ESRRB: variants seen among roughly 807,000 people sequenced by gnomAD.
ESRRB encodes the protein estrogen related receptor beta.
ESRRB carries 16 observed loss-of-function variants against 46.0 expected under a neutral mutation model. The observed-to-expected ratio is 0.35, with a 90% CI of 0.24 to 0.53. ESRRB has a LOEUF of 0.53. Ranked by LOEUF, ESRRB falls within the 20% of genes least tolerant of loss-of-function variation. The pLI is 0.93. For missense variants in ESRRB, 488 were observed against 607.4 expected (o/e 0.80, Z 2.07); for synonymous variants, 246 against 259.6 (o/e 0.95, Z 0.50).
intron 3 of ESRRB, among the ~76,000 whole-genome samples, chr14:76,464,332 C>T (rs1391045456): frequency 3.3e-5 from 5 of 152,212 alleles, no homozygotes; most frequent in Non-Finnish European, 7.3e-5. Context: ...TCCCAGGGCC[C>T]TCTGAAGATA....
intron 1 of ESRRB, among the ~76,000 whole-genome samples, chr14:76,337,531 A>G (rs1385927692): frequency 1.3e-5 from 2 of 152,046 alleles, no homozygotes; most frequent in Non-Finnish European, 2.9e-5. Context: ...CTTCTAGAAA[A>G]TGAGCAATGG....
chr14:76,479,934 C>G (rs183220220), intron 3 of ESRRB, among the ~76,000 whole-genome samples: 37 of 152,332 alleles, frequency 2.4e-4, no homozygotes, highest in Admixed American at 9.8e-4. Flanking sequence ...GTGGTGCAAT[C>G]TCAGCTCACT....
chr14:76,402,629 C>A (rs1885991096), intron 1 of ESRRB, among the ~76,000 whole-genome samples: 1 of 152,166 alleles, frequency 6.6e-6, no homozygotes, highest in African/African-American at 2.4e-5. Context: ...GGCTTCCAGG[C>A]ACTGTCATGG....
rs1236443030 is a variant in ESRRB, at chr14:76,413,229, G to A, written c.51-26112G>A. 3.9e-5 allele frequency among the ~76,000 whole-genome samples: 6 copies of A among 152,106 alleles called. No individual in the cohort carries two copies. The South Asian group carries it at 1.2e-3, about 32-fold the overall frequency. ...GGTGTGATGAGCCTGCCCCTCAAAG[G>A]GTGATGTCGAAACCCCTGGTGTTGA... On this transcript the variant is annotated intron_variant, in intron 1 of 6. Transcript: ENST00000644823.
At chr14:76,386,162 G>T (rs1170906513) in intron 1 of ESRRB, among the ~76,000 whole-genome samples, 1 of 152,140 alleles carries the variant, frequency 6.6e-6, no homozygotes, top group African/African-American at 2.4e-5. Flanking sequence ...ATTAAAGAAG[G>T]AATTACAGTT....
Position 76,439,577 on chromosome 14 carries a change from G to C in ESRRB, c.287G>C (p.Ser96Thr). The change falls in exon 2 of 7, where the codon AGC (serine) becomes ACC (threonine). Residue 96 changes from serine (S) to threonine (T), a missense_variant. Transcript: ENST00000644823. ...AGLGGTPCRK[S>T]YEDCASGIME... ...CTGGGAGGCACCCCATGCCGCAAGA[G>C]CTACGAGGACTGTGCCAGCGGCATC... The C allele has an allele frequency of 1.2e-6, 2 of 1,614,148 alleles. No homozygotes were observed. Among genetic ancestry groups the C allele is most frequent in the Non-Finnish European group, 1.7e-6 (2 of 1,180,008 alleles).
Position 76,332,577 on chromosome 14 carries a change from AT to A in ESRRB, c.2+21663del, listed in dbSNP as rs56299448. Reference sequence around the variant, plus strand: ...ATAATATATATTTATATATTTATATATTATATATTTATATATTATATATTAT... The same window carrying A: ...ATAATATATATTTATATATTTATATATATATATTTATATATTATATATTAT... On this transcript the variant is annotated intron_variant, in intron 1 of 6. Coordinates refer to the ESRRB transcript ENST00000512784. 1.0e-4 allele frequency among the ~76,000 whole-genome samples: 3 copies of A among 29,610 alleles called. 1 individual carries two copies. The highest frequency in any genetic ancestry group is 7.8e-4 in the Admixed American group (1 of 1,290). 19.4% of individuals were successfully genotyped at this position (29,610 alleles called of 152,430 possible). A position where few individuals can be genotyped will look rare whatever the true frequency, so the allele number is the denominator to read the frequency against.
chr14:76,489,443 A>AC (rs1484173696), intron 5 of ESRRB, among the ~76,000 whole-genome samples: 1 of 135,078 alleles, frequency 7.4e-6, no homozygotes, highest in Non-Finnish European at 1.6e-5. Flanking sequence ...GAATCTGGAC[A>AC]ACCACACACA....
At position 76,439,671 on chromosome 14, in the gene ESRRB, C is replaced by A. The variant is rs376300660; in HGVS notation, c.381C>A (p.Cys127Ter). 1 of 1,614,094 alleles carries A rather than the reference C, an allele frequency of 6.2e-7. No individual in the cohort carries two copies. The highest frequency in any genetic ancestry group is 8.5e-7 in the Non-Finnish European group (1 of 1,180,032). Residue 127 changes from cysteine to a stop codon, truncating the protein, a stop_gained, in exon 2 of 7, where the codon TGC becomes TGA. Coordinates refer to ENST00000644823, the MANE Select transcript of ESRRB (RefSeq NM_001379180.1). LOFTEE classifies it high-confidence loss of function. ...NAIPKRLCLV[C>*]GDIASGYHYG... ...TCCCCAAGCGCCTGTGCCTCGTGTG[C>A]GGGGACATTGCCTCTGGCTACCACT...
intron 2 of ESRRB, among the ~76,000 whole-genome samples, chr14:76,442,958 G>A (rs1887983596): frequency 6.6e-6 from 1 of 151,548 alleles, no homozygotes; most frequent in Non-Finnish European, 1.5e-5. Context: ...GGGATTACAG[G>A]TGCTGGCCAC....
At chr14:76,446,044 G>A (rs892773921) in intron 2 of ESRRB, among the ~76,000 whole-genome samples, 1 of 152,182 alleles carries the variant, frequency 6.6e-6, no homozygotes, top group Non-Finnish European at 1.5e-5. Context: ...GGCGGGGGAG[G>A]GAAGAGGGGG....
chr14:76,413,267 G>A (rs1886517596), intron 1 of ESRRB, among the ~76,000 whole-genome samples: 1 of 152,154 alleles, frequency 6.6e-6, no homozygotes, highest in Non-Finnish European at 1.5e-5. Context: ...CTTCTAGCTG[G>A]CCTCTGCCCA....
chr14:76,490,021 A>C (rs1026555898), intron 5 of ESRRB, among the ~76,000 whole-genome samples: 2 of 152,192 alleles, frequency 1.3e-5, no homozygotes, highest in African/African-American at 4.8e-5. Context: ...TTTCGCCCCC[A>C]CAGCACCCCA....
rs990573445 is a variant in ESRRB, at chr14:76,499,150, C to CT, written c.*692_*693insT. On this transcript the variant is annotated 3_prime_UTR_variant, in exon 7 of 7. Coordinates refer to ENST00000644823, the MANE Select transcript of ESRRB (RefSeq NM_001379180.1). Reference sequence around the variant, plus strand: ...CCACCTGTCCTCCTCCTCTTCTCCTCCCCCCGGGAGTCCCCCGCTACTTCC... The same window carrying CT: ...CCACCTGTCCTCCTCCTCTTCTCCTCTCCCCCGGGAGTCCCCCGCTACTTCC... 1.6e-5 allele frequency: 4 copies of CT among 254,960 alleles called. No homozygotes were observed. Among genetic ancestry groups the CT allele is most frequent in the African/African-American group, 9.8e-5 (3 of 30,704 alleles). 15.8% of individuals were successfully genotyped at this position (254,960 alleles called of 1,614,324 possible). A position where few individuals can be genotyped will look rare whatever the true frequency, so the allele number is the denominator to read the frequency against.
chr14:76,480,408 C>T (rs1053957982), intron 3 of ESRRB, among the ~76,000 whole-genome samples: 1 of 152,160 alleles, frequency 6.6e-6, no homozygotes, highest in African/African-American at 2.4e-5. Context: ...CTTAGCATCC[C>T]AAAGTTCCTT....
At chr14:76,354,477 G>A (rs983838245) in intron 1 of ESRRB, among the ~76,000 whole-genome samples, 1 of 152,038 alleles carries the variant, frequency 6.6e-6, no homozygotes, top group African/African-American at 2.4e-5. Context: ...GAGGACAAGT[G>A]CATTAGTCCC....
upstream of ESRRB, among the ~76,000 whole-genome samples, chr14:76,366,567 A>T (rs551461786): frequency 1.3e-5 from 2 of 152,320 alleles, no homozygotes; most frequent in East Asian, 3.9e-4. Flanking sequence ...CTGGAAGACA[A>T]AAGCAACTTA....
At chr14:76,451,334 C>G (rs527942176) in intron 2 of ESRRB, among the ~76,000 whole-genome samples, 1 of 152,160 alleles carries the variant, frequency 6.6e-6, no homozygotes, top group Non-Finnish European at 1.5e-5. Context: ...TTTTCCTGAG[C>G]CTTAATGTCC....
chr14:76,396,960 C>A lies in ESRRB; in HGVS notation c.50+20509C>A, dbSNP rs367908841. On this transcript the variant is annotated intron_variant, in intron 1 of 6. Coordinates refer to ENST00000644823, the MANE Select transcript of ESRRB (RefSeq NM_001379180.1). ...GGTGGTTGCTCACCTGCCCAGGAAG[C>A]CATTAATCTTGTGTCTCTGCGGCCT... Among the ~76,000 whole-genome samples, 6 of 152,284 alleles carry A rather than the reference C, an allele frequency of 3.9e-5. No homozygotes were observed. The East Asian group carries it at 7.7e-4, about 20-fold the overall frequency.
Sources: gnomAD v4.1 joint callset for allele counts (sites outside exome capture counted in the v4.1 genomes callset) on GRCh38, gnomAD v4.1.1 for gene constraint, MANE v1.5 for transcripts, NCBI Gene and HGNC (gene_info 2026-07-23, HGNC 2026-07-21) for gene names.